DSCAML1: variants seen among roughly 807,000 people sequenced by gnomAD.
The protein encoded by DSCAML1 is DS cell adhesion molecule like 1, also known as cell adhesion molecule DSCAML1.
DSCAML1 carries 38 observed loss-of-function variants against 200.5 expected under a neutral mutation model. The observed-to-expected ratio is 0.19, with a 90% CI of 0.15 to 0.25. The LOEUF (loss-of-function observed/expected upper bound fraction) is 0.25. DSCAML1 is among the 10% of genes least tolerant of loss of function. The pLI is 1.00. For synonymous variants in DSCAML1, 1,215 were observed against 1,165.0 expected (o/e 1.04, Z -0.87); for missense variants, 2,223 against 2,858.8 (o/e 0.78, Z 5.07).
intron 3 of DSCAML1, among the ~76,000 whole-genome samples, chr11:117,717,545 C>T (rs1014137471): frequency 1.4e-4 from 21 of 152,168 alleles, no homozygotes; most frequent in African/African-American, 4.6e-4. Flanking sequence ...AATAAAAGAC[C>T]CTGACGATCA....
chr11:117,644,575 G>A (rs939282709), intron 3 of DSCAML1, among the ~76,000 whole-genome samples: 1 of 152,242 alleles, frequency 6.6e-6, no homozygotes, highest in Admixed American at 6.5e-5. Flanking sequence ...TTCCCCAGCA[G>A]AGGCGAGGCG....
intron 3 of DSCAML1, among the ~76,000 whole-genome samples, chr11:117,692,470 T>C (rs1413453907): frequency 6.6e-6 from 1 of 152,144 alleles, no homozygotes; most frequent in East Asian, 1.9e-4. Context: ...CTGTCCATTG[T>C]AGGTACTCGA....
At chr11:117,589,308 CT>C (rs1329315615) in intron 3 of DSCAML1, among the ~76,000 whole-genome samples, 3 of 152,244 alleles carry the variant, frequency 2.0e-5, no homozygotes, top group African/African-American at 7.2e-5. Flanking sequence ...GCCCGTCCTC[CT>C]GTCACGCAGC....
rs541280498 is a variant in DSCAML1, at chr11:117,675,669, G to A, written c.511+101122C>T. On this transcript the variant is annotated intron_variant, in intron 3 of 32. Coordinates refer to ENST00000651296, the MANE Select transcript of DSCAML1 (RefSeq NM_020693.4). ...TCACTGTAAAGACAGGCCCGGCTGC[G>A]TGGTTGGTTTTCTAAGTGCAGGTCC... Among the ~76,000 whole-genome samples the A allele has an allele frequency of 3.4e-4, 51 of 151,924 alleles. No individual in the cohort carries two copies. In the South Asian group the frequency reaches 6.5e-3, roughly 19 times the overall value.
chr11:117,437,889 C>A lies in DSCAML1; in HGVS notation c.4432+6G>T, dbSNP rs2047953584. ...TCCTTCCCTGCCCCAGTGGCCTGGG[C>A]CTCACCCCGCCCGTGGGTCTTGGCC... On this transcript the variant is annotated splice_donor_region_variant and intron_variant, in intron 25 of 32. Coordinates refer to ENST00000651296, the MANE Select transcript of DSCAML1 (RefSeq NM_020693.4). This position sits in a 1 kb window ranked among gnomAD's most constrained non-coding sequence, Gnocchi z 5.3. 6.2e-7 allele frequency: 1 copy of A among 1,600,708 alleles called. No homozygotes were observed.
At chr11:117,768,699 C>T (rs1034534835) in intron 3 of DSCAML1, among the ~76,000 whole-genome samples, 9 of 152,110 alleles carry the variant, frequency 5.9e-5, no homozygotes, top group South Asian at 2.1e-4. Flanking sequence ...TTTTATCATT[C>T]CCATTTTATA....
At chr11:117,445,772 A>G (rs998467765) in intron 20 of DSCAML1, among the ~76,000 whole-genome samples, 7 of 152,210 alleles carry the variant, frequency 4.6e-5, no homozygotes, top group African/African-American at 1.7e-4. Context: ...CTACACAGGC[A>G]GGGCAAGAAA....
intron 3 of DSCAML1, among the ~76,000 whole-genome samples, chr11:117,669,494 C>A (rs549999743): frequency 1.6e-4 from 24 of 152,326 alleles, no homozygotes; most frequent in African/African-American, 3.6e-4. Flanking sequence ...ATCTAGTGGA[C>A]CTTCTTAGAG....
Position 117,504,430 on chromosome 11 carries a change from AG to A in DSCAML1, c.2183-410del, listed in dbSNP as rs1167899644. Reference sequence around the variant, plus strand: ...CTGGGAGAGAGGCCAGCATCCTCCAAGGGGGCCTTGTGGGCACCCCCTGTCC... The same window carrying A: ...CTGGGAGAGAGGCCAGCATCCTCCAAGGGGCCTTGTGGGCACCCCCTGTCC... On this transcript the variant is annotated intron_variant, in intron 10 of 32. Transcript: ENST00000651296. The surrounding 1 kb of genome is among the most constrained non-coding windows in gnomAD (Gnocchi z 5.0). 1.3e-5 allele frequency among the ~76,000 whole-genome samples: 2 copies of A among 152,182 alleles called. No homozygotes were observed. Among genetic ancestry groups the A allele is most frequent in the Non-Finnish European group, 2.9e-5 (2 of 68,014 alleles).
intron 3 of DSCAML1, among the ~76,000 whole-genome samples, chr11:117,674,042 C>T (rs370977839): frequency 8.6e-4 from 131 of 152,308 alleles, no homozygotes; most frequent in South Asian, 4.1e-3. Flanking sequence ...GGGTTTCCCT[C>T]GATCCCCGCA....
chr11:117,809,884 C>T (rs1177220305), intron 1 of DSCAML1, among the ~76,000 whole-genome samples: 2 of 150,788 alleles, frequency 1.3e-5, no homozygotes, highest in Non-Finnish European at 3.0e-5. Flanking sequence ...CATACTCTTA[C>T]ACACACACAC....
chr11:117,552,225 C>T (rs143394102), intron 3 of DSCAML1, among the ~76,000 whole-genome samples: 1 of 152,190 alleles, frequency 6.6e-6, no homozygotes, highest in African/African-American at 2.4e-5. Context: ...AGCAGCCCTC[C>T]CGCCTTGACA....
At chr11:117,739,590 A>G (rs2054384562) in intron 3 of DSCAML1, among the ~76,000 whole-genome samples, 1 of 152,218 alleles carries the variant, frequency 6.6e-6, no homozygotes, top group Admixed American at 6.5e-5. Context: ...GTGCCCTCAA[A>G]CCGAAGTCAA....
chr11:117,780,602 G>A lies in DSCAML1; in HGVS notation c.255C>T (p.Tyr85=). The change falls in exon 2 of 33, where the codon TAC becomes TAT. Residue 85 remains tyrosine (Y), a synonymous_variant. Coordinates refer to ENST00000651296, the MANE Select transcript of DSCAML1 (RefSeq NM_020693.4). The surrounding 1 kb of genome is among the most constrained non-coding windows in gnomAD (Gnocchi z 4.8). ...HVHANGTLQL[Y]PFSPSAFNSF... ...TATTGAAGGCGGAGGGGGAGAAGGG[G>A]TAGAGCTGCAGCGTCCCGTTGGCGT... 6 of 1,589,904 alleles carry A rather than the reference G, an allele frequency of 3.8e-6. No homozygotes were observed. Among genetic ancestry groups the A allele is most frequent in the Non-Finnish European group, 5.1e-6 (6 of 1,166,744 alleles).
intron 3 of DSCAML1, among the ~76,000 whole-genome samples, chr11:117,637,667 A>G (rs980967687): frequency 1.8e-4 from 27 of 152,226 alleles, no homozygotes; most frequent in African/African-American, 6.5e-4. Context: ...ATTAAAAAGA[A>G]ATGAATGAAT....
At chr11:117,718,062 A>G (rs1457567008) in intron 3 of DSCAML1, among the ~76,000 whole-genome samples, 1 of 152,258 alleles carries the variant, frequency 6.6e-6, no homozygotes, top group African/African-American at 2.4e-5. Context: ...TGTTTGCCAC[A>G]TGCCAGACAT....
intron 3 of DSCAML1, among the ~76,000 whole-genome samples, chr11:117,761,302 C>A (rs1386266208): frequency 6.6e-6 from 1 of 152,012 alleles, no homozygotes; most frequent in Non-Finnish European, 1.5e-5. Context: ...AGGCCTCACA[C>A]CTGGACATGC....
At chr11:117,747,536 T>G (rs943348808) in intron 3 of DSCAML1, among the ~76,000 whole-genome samples, 1 of 152,128 alleles carries the variant, frequency 6.6e-6, no homozygotes, top group Non-Finnish European at 1.5e-5. Context: ...TGAAAATGCC[T>G]CCTATTTACA....
At chr11:117,443,403 AC>A (rs975481193) in intron 21 of DSCAML1, among the ~76,000 whole-genome samples, 3 of 152,162 alleles carry the variant, frequency 2.0e-5, no homozygotes, top group Admixed American at 6.5e-5. Context: ...CCTTCACAGC[AC>A]GCGCTCCGTA....
Sources: gnomAD v4.1 joint callset for allele counts (sites outside exome capture counted in the v4.1 genomes callset) on GRCh38, gnomAD v4.1.1 for gene constraint, Gnocchi (gnomAD v3.1) non-coding constraint, MANE v1.5 for transcripts, NCBI Gene and HGNC (gene_info 2026-07-23, HGNC 2026-07-21) for gene names.